SPMIP6: variants seen among roughly 807,000 people sequenced by gnomAD.
SPMIP6 encodes ciliated bronchial epithelial protein 1.
the SPMIP6 span, chr9:34,385,864 C>T: frequency 1.4e-6 from 2 of 1,461,998 alleles, no homozygotes; most frequent in Non-Finnish European, 1.9e-6. Flanking sequence ...TCCAGCCTCT[C>T]TTGAGAAGGT....
At chr9:34,396,481 C>T in the SPMIP6 span, among the ~76,000 whole-genome samples, 2 of 152,142 alleles carry the variant, frequency 1.3e-5, no homozygotes, top group South Asian at 4.1e-4. Context: ...CCAGAGTGGC[C>T]TAACTCACAA....
the SPMIP6 span, chr9:34,385,589 G>A: frequency 6.6e-7 from 1 of 1,514,910 alleles, no homozygotes; most frequent in Non-Finnish European, 9.1e-7. Flanking sequence ...AGGTGGTTGG[G>A]TTCAGGTTGG....
the SPMIP6 span, among the ~76,000 whole-genome samples, chr9:34,383,212 A>G: frequency 6.6e-6 from 1 of 152,178 alleles, no homozygotes; most frequent in East Asian, 1.9e-4. Context: ...AGGTTTGCCT[A>G]TTCTGCCTCC....
At chr9:34,380,970 C>G in the SPMIP6 span, 2 of 1,607,694 alleles carry the variant, frequency 1.2e-6, no homozygotes, top group Non-Finnish European at 1.7e-6. Context: ...GCGTAGTAGT[C>G]CATCCCGCGC....
chr9:34,382,593 A>G, the SPMIP6 span: 2 of 621,680 alleles, frequency 3.2e-6, no homozygotes, highest in Non-Finnish European at 5.8e-6. Flanking sequence ...TAAAAAAAAA[A>G]AAAAATACAA....
At chr9:34,389,790 A>G in the SPMIP6 span, among the ~76,000 whole-genome samples, 1 of 152,180 alleles carries the variant, frequency 6.6e-6, no homozygotes, top group Admixed American at 6.5e-5. Flanking sequence ...TTTTACATAC[A>G]TTGTTAGATT....
chr9:34,396,758 T>C, the SPMIP6 span, among the ~76,000 whole-genome samples: 10 of 152,292 alleles, frequency 6.6e-5, no homozygotes, highest in African/African-American at 2.4e-4. Flanking sequence ...TTTCTGGCTC[T>C]CCACCTCTGC....
chr9:34,383,175 C>G, the SPMIP6 span, among the ~76,000 whole-genome samples: 215 of 152,324 alleles, frequency 1.4e-3, 1 homozygote, highest in African/African-American at 5.0e-3. Context: ...ATTCCTCCCT[C>G]TCTCTCATCT....
At chr9:34,385,535 CAA>C in the SPMIP6 span, 17,017 of 288,788 alleles carry the variant, frequency 0.059, no homozygotes, top group East Asian at 0.075. Context: ...AACTCCGTCT[CAA>C]AAAAAAAAAA....
chr9:34,395,185 A>G, the SPMIP6 span, among the ~76,000 whole-genome samples: 1 of 151,812 alleles, frequency 6.6e-6, no homozygotes, highest in South Asian at 2.1e-4. Context: ...CTGGTCTTGA[A>G]CTCGTAGGCT....
At chr9:34,397,234 G>A in the SPMIP6 span, among the ~76,000 whole-genome samples, 2 of 151,978 alleles carry the variant, frequency 1.3e-5, no homozygotes, top group East Asian at 3.8e-4. Context: ...CCACTACTCT[G>A]TTTATTTCCT....
chr9:34,386,010 G>A, the SPMIP6 span, among the ~76,000 whole-genome samples: 2 of 152,178 alleles, frequency 1.3e-5, no homozygotes, highest in Admixed American at 6.5e-5. Context: ...GCTTGGGGCC[G>A]AGCGGTGGCC....
chr9:34,381,221 CA>C, the SPMIP6 span: 1 of 1,562,254 alleles, frequency 6.4e-7, no homozygotes, highest in South Asian at 1.2e-5. The surrounding 1 kb of genome is among the most constrained non-coding windows in gnomAD (Gnocchi z 4.4). Flanking sequence ...GAGGCGGAGA[CA>C]AAAGCCAGGA....
chr9:34,381,079 C>A, the SPMIP6 span: 4 of 1,610,960 alleles, frequency 2.5e-6, no homozygotes, highest in Non-Finnish European at 3.4e-6. The surrounding 1 kb of genome is among the most constrained non-coding windows in gnomAD (Gnocchi z 4.4). Context: ...TGATCCGCGG[C>A]AGCTGCTGGT....
the SPMIP6 span, among the ~76,000 whole-genome samples, chr9:34,388,307 A>ATTTT: frequency 4.5e-5 from 6 of 133,816 alleles, no homozygotes; most frequent in South Asian, 2.5e-4. Context: ...CTCCCAGCTA[A>ATTTT]TTTTTTTTTT....
At chr9:34,382,352 G>A in the SPMIP6 span, among the ~76,000 whole-genome samples, 1 of 152,210 alleles carries the variant, frequency 6.6e-6, no homozygotes, top group Non-Finnish European at 1.5e-5. Flanking sequence ...AGGAGGCCGA[G>A]GCAGGTGGAT....
the SPMIP6 span, among the ~76,000 whole-genome samples, chr9:34,384,050 A>G: frequency 2.0e-5 from 3 of 152,226 alleles, no homozygotes; most frequent in Admixed American, 2.0e-4. Context: ...ACAGTCTGAA[A>G]GAATACATAT....
the SPMIP6 span, among the ~76,000 whole-genome samples, chr9:34,392,754 G>A: frequency 7.2e-5 from 11 of 152,198 alleles, no homozygotes; most frequent in African/African-American, 2.2e-4. The surrounding 1 kb of genome is among the most constrained non-coding windows in gnomAD (Gnocchi z 4.6). Context: ...TGGAACTCAT[G>A]AGGAGAACAA....
chr9:34,396,045 A>G, the SPMIP6 span, among the ~76,000 whole-genome samples: 3 of 152,216 alleles, frequency 2.0e-5, no homozygotes, highest in Non-Finnish European at 4.4e-5. Context: ...ATAATTGGAA[A>G]TGTGTACAAA....
Sources: gnomAD v4.1 joint callset for allele counts (sites outside exome capture counted in the v4.1 genomes callset) on GRCh38, gnomAD v4.1.1 for gene constraint, Gnocchi (gnomAD v3.1) non-coding constraint, MANE v1.5 for transcripts, NCBI Gene and HGNC (gene_info 2026-07-23, HGNC 2026-07-21) for gene names.